Variants in PRIM2 observed in about 807,000 individuals in gnomAD.
PRIM2 encodes the protein DNA primase subunit 2.
A neutral mutation model predicts 67.3 loss-of-function variants in PRIM2; 39 were observed. The ratio of observed to expected loss-of-function variants is 0.58; its 90% confidence interval spans 0.45 to 0.76. The LOEUF (loss-of-function observed/expected upper bound fraction) is 0.76, where lower values mean the gene tolerates loss of function less well. PRIM2 is among the 30% of genes least tolerant of loss of function. The pLI is 0.00. For synonymous variants in PRIM2, 143 were observed against 198.7 expected, an observed-to-expected ratio of 0.72 and a Z score of 2.36; for missense variants, 398 against 598.7, an observed-to-expected ratio of 0.66 and a Z score of 3.50.
intron 7 of PRIM2, among the ~76,000 whole-genome samples, chr6:57,462,262 A>G (rs1773033556): frequency 6.6e-6 from 1 of 152,366 alleles, no homozygotes; most frequent in East Asian, 1.9e-4. Context: ...TAGAAATCCT[A>G]TCTCTACAAA....
At chr6:57,348,115 T>A (rs1187956950) in intron 5 of PRIM2, among the ~76,000 whole-genome samples, 1 of 152,134 alleles carries the variant, frequency 6.6e-6, no homozygotes, top group Non-Finnish European at 1.5e-5. Context: ...TTTCTCGGTA[T>A]AATATTGCCA....
At chr6:57,313,071 A>G (rs1303340418), upstream of PRIM2, among the ~76,000 whole-genome samples, 3 of 152,090 alleles carry the variant, frequency 2.0e-5, no homozygotes, top group Admixed American at 2.0e-4. Context: ...CCAATATTGT[A>G]ATGTCTTAAA....
intron 12 of PRIM2, among the ~76,000 whole-genome samples, chr6:57,609,960 G>A: frequency 6.6e-6 from 1 of 152,274 alleles, no homozygotes; most frequent in Admixed American, 6.5e-5. Context: ...TATTGAATGA[G>A]AGTTAAGAAA....
chr6:57,252,502 G>A, the PRIM2 span, among the ~76,000 whole-genome samples: 5 of 152,110 alleles, frequency 3.3e-5, no homozygotes, highest in Admixed American at 6.5e-5. Flanking sequence ...GTGCAGTGGC[G>A]CAATCTTGGC....
intron 10 of PRIM2, among the ~76,000 whole-genome samples, chr6:57,542,137 C>T (rs1251762082): frequency 6.6e-6 from 1 of 152,064 alleles, no homozygotes; most frequent in Non-Finnish European, 1.5e-5. Flanking sequence ...CCACCATGCT[C>T]AGCTAATTTT....
chr6:57,315,630 T>C (rs992153049), upstream of PRIM2, among the ~76,000 whole-genome samples: 5 of 152,308 alleles, frequency 3.3e-5, no homozygotes, highest in South Asian at 1.0e-3. Context: ...CTTCTTGTCC[T>C]ATTTTTCTGT....
intron 10 of PRIM2, among the ~76,000 whole-genome samples, chr6:57,539,566 T>G (rs1355870439): frequency 6.8e-6 from 1 of 147,346 alleles, no homozygotes; most frequent in African/African-American, 2.5e-5. Context: ...ATTATATTCT[T>G]TGTGTGTGTG....
the PRIM2 span, among the ~76,000 whole-genome samples, chr6:57,252,464 G>C: frequency 1.3e-5 from 2 of 151,322 alleles, no homozygotes; most frequent in Non-Finnish European, 2.9e-5. Flanking sequence ...TTTTTGAGAC[G>C]CAGTCTCGCT....
the PRIM2 span, among the ~76,000 whole-genome samples, chr6:57,272,973 G>T: frequency 1.3e-5 from 2 of 152,230 alleles, no homozygotes; most frequent in African/African-American, 4.8e-5. Context: ...CTTCTGGCTT[G>T]TGGGGTTTCT....
At chr6:57,320,742 G>A (rs1767627891) in intron 3 of PRIM2, among the ~76,000 whole-genome samples, 182 bp downstream of exon 3, 1 of 152,158 alleles carries the variant, frequency 6.6e-6, no homozygotes. Flanking sequence ...TAATATGGCA[G>A]GGTTTCTCAA....
At chr6:57,617,087 G>T (rs1200718198) in intron 12 of PRIM2, among the ~76,000 whole-genome samples, 59,348 of 152,056 alleles carry the variant, frequency 0.39, 11,853 homozygotes, top group East Asian at 0.65. Context: ...AGCAGTCAAG[G>T]TGTTGGCAGG....
upstream of PRIM2, among the ~76,000 whole-genome samples, chr6:57,312,968 G>A (rs987733399): frequency 2.6e-5 from 4 of 152,026 alleles, no homozygotes; most frequent in Admixed American, 6.6e-5. Flanking sequence ...TGATTTGTAC[G>A]GTGGATCTGT....
At chr6:57,553,157 G>A (rs1775437417) in intron 10 of PRIM2, among the ~76,000 whole-genome samples, 2 of 152,052 alleles carry the variant, frequency 1.3e-5, no homozygotes, top group Admixed American at 6.5e-5. Flanking sequence ...GTGGATTAAA[G>A]GGATTTTTAT....
At chr6:57,546,748 A>T (rs1184402518) in intron 10 of PRIM2, among the ~76,000 whole-genome samples, 1 of 152,064 alleles carries the variant, frequency 6.6e-6, no homozygotes, top group East Asian at 1.9e-4. Flanking sequence ...ATACTTGAGG[A>T]TAGAGATTTC....
the PRIM2 span, among the ~76,000 whole-genome samples, chr6:57,235,215 C>T: frequency 6.6e-6 from 1 of 152,098 alleles, no homozygotes; most frequent in African/African-American, 2.4e-5. Context: ...GTAATCCCCG[C>T]ACTTTCGGAG....
At chr6:57,457,687 C>G (rs1772850327) in intron 7 of PRIM2, among the ~76,000 whole-genome samples, 2 of 152,140 alleles carry the variant, frequency 1.3e-5, no homozygotes, top group South Asian at 4.1e-4. Flanking sequence ...CCATCTGTCA[C>G]CCCTTTCTTT....
chr6:57,240,091 G>GTTTTTTTTTTTTTTTTTTTTTTTTTTTT, the PRIM2 span, among the ~76,000 whole-genome samples: 2 of 90,004 alleles, frequency 2.2e-5, no homozygotes, highest in African/African-American at 8.8e-5. Flanking sequence ...TCAATAATCT[G>GTTTTTTTTTTTTTTTTTTTTTTTTTTTT]TTTTTTTTTT....
chr6:57,324,576 G>A (rs1430646501), intron 4 of PRIM2, among the ~76,000 whole-genome samples: 1 of 152,090 alleles, frequency 6.6e-6, no homozygotes, highest in Non-Finnish European at 1.5e-5. Flanking sequence ...AAGGACTTTT[G>A]ATATTTTTCC....
At chr6:57,453,193 G>A (rs1384826606) in intron 7 of PRIM2, among the ~76,000 whole-genome samples, 1 of 152,152 alleles carries the variant, frequency 6.6e-6, no homozygotes, top group Non-Finnish European at 1.5e-5. Flanking sequence ...CTGTAGCCTT[G>A]TAGTATAGTT....
Sources: allele counts gnomAD v4.1 joint callset (sites outside exome capture counted in the v4.1 genomes callset), GRCh38; gene constraint gnomAD v4.1.1; transcripts MANE v1.5; gene names NCBI Gene and HGNC (gene_info 2026-07-23, HGNC 2026-07-21).